ENOX1: variants seen among roughly 807,000 people sequenced by gnomAD.
The protein encoded by ENOX1 is candidate growth-related and time keeping constitutive hydroquinone (NADH) oxidase.
A neutral mutation model predicts 82.5 loss-of-function variants in ENOX1; 42 were observed. The observed-to-expected ratio is 0.51, with a 90% CI of 0.40 to 0.66. The LOEUF is 0.66. Among genes scored for constraint, ENOX1 ranks in the 30% least tolerant of loss-of-function variants. ENOX1 has a pLI of 0.00. For synonymous variants in ENOX1, 271 were observed against 282.2 expected (o/e 0.96, Z 0.40); for missense variants, 608 against 811.6 (o/e 0.75, Z 3.05).
intron 5 of ENOX1, among the ~76,000 whole-genome samples, chr13:43,364,468 G>A (rs919871195): frequency 6.6e-5 from 10 of 152,086 alleles, no homozygotes; most frequent in Admixed American, 2.0e-4. Context: ...CTGTGTTGCC[G>A]GCTCCAAGCA....
At chr13:43,734,357 C>T (rs774779361) in intron 1 of ENOX1, among the ~76,000 whole-genome samples, 15 of 152,166 alleles carry the variant, frequency 9.9e-5, no homozygotes, top group Non-Finnish European at 2.1e-4. Flanking sequence ...TCCTGATAGG[C>T]AGACTGTGTT....
intron 2 of ENOX1, among the ~76,000 whole-genome samples, chr13:43,503,196 C>T (rs1205032302): frequency 5.3e-5 from 8 of 151,354 alleles, no homozygotes; most frequent in African/African-American, 1.5e-4. Flanking sequence ...TGTAAAACAC[C>T]GATGAAAGAA....
chr13:43,410,280 GA>G (rs2153597880), intron 5 of ENOX1, among the ~76,000 whole-genome samples: 1 of 152,176 alleles, frequency 6.6e-6, no homozygotes, highest in East Asian at 1.9e-4. Context: ...AATGTGGGTG[GA>G]AAAATAGAAA....
intron 5 of ENOX1, among the ~76,000 whole-genome samples, chr13:43,404,651 T>TA (rs1231055146): frequency 6.6e-6 from 1 of 152,230 alleles, no homozygotes; most frequent in Non-Finnish European, 1.5e-5. Context: ...TCTTTAGAGA[T>TA]ACGTGTTCTC....
At chr13:43,737,637 C>T (rs1172284722) in intron 1 of ENOX1, among the ~76,000 whole-genome samples, 1 of 152,120 alleles carries the variant, frequency 6.6e-6, no homozygotes, top group Non-Finnish European at 1.5e-5. Context: ...ATTTATAAAC[C>T]ATGAGTGAAA....
intron 1 of ENOX1, among the ~76,000 whole-genome samples, chr13:43,718,324 A>G (rs969865197): frequency 5.9e-5 from 9 of 152,172 alleles, no homozygotes; most frequent in African/African-American, 2.2e-4. Flanking sequence ...GGAGCTAAAC[A>G]TTGAATACAC....
rs553504525 is a variant in ENOX1, at chr13:43,541,173, G to GTTTT, written c.-218-57025_-218-57022dup. Among the ~76,000 whole-genome samples the GTTTT allele has an allele frequency of 1.7e-4, 11 of 64,582 alleles. 1 individual carries two copies. Among genetic ancestry groups the GTTTT allele is most frequent in the Middle Eastern group, 9.6e-3 (1 of 104 alleles). 42.4% of individuals were successfully genotyped at this position (64,582 alleles called of 152,430 possible). A position where few individuals can be genotyped will look rare whatever the true frequency, so the allele number is the denominator to read the frequency against. On this transcript the variant is annotated intron_variant, in intron 2 of 16. Coordinates refer to ENST00000690772, the MANE Select transcript of ENOX1 (RefSeq NM_001347969.2). ...CTCCAACCTTACACTTCTTCCCTCT[G>GTTTT]TTTTTTTTTTTTTTTTTTTTTTTTT... is the stretch of plus-strand genomic sequence containing the variant.
chr13:43,393,499 A>G (rs1357252501), intron 5 of ENOX1, among the ~76,000 whole-genome samples: 1 of 152,212 alleles, frequency 6.6e-6, no homozygotes, highest in Non-Finnish European at 1.5e-5. Context: ...GATGAATAAA[A>G]TATAGTTCTT....
At chr13:43,305,638 G>A (rs529355440) in intron 11 of ENOX1, among the ~76,000 whole-genome samples, 1 of 152,110 alleles carries the variant, frequency 6.6e-6, no homozygotes, top group Admixed American at 6.5e-5. Flanking sequence ...GAACTAGGAG[G>A]TGCTGCTGGG....
At chr13:43,277,211 C>T (rs1376023549) in intron 12 of ENOX1, among the ~76,000 whole-genome samples, 2 of 152,190 alleles carry the variant, frequency 1.3e-5, no homozygotes, top group East Asian at 3.8e-4. Flanking sequence ...CCTTTAATCT[C>T]GTCAATATCT....
Position 43,247,854 on chromosome 13 carries a change from TATATATATATATATATATATATA to T in ENOX1, c.1612-11139_1612-11117del, listed in dbSNP as rs1566328991. 0.014 allele frequency among the ~76,000 whole-genome samples: 66 copies of T among 4,664 alleles called. 7 individuals are homozygous for T. The East Asian group carries it at 0.17, about 12-fold the overall frequency. 3.1% of individuals were successfully genotyped at this position (4,664 alleles called of 152,430 possible). On this transcript the variant is annotated intron_variant, in intron 14 of 16. Transcript: ENST00000690772. ...ATATATATATATATATATATATATATATATATATATATATATATATATATATATATTTTTTTTTTTTTTTTTTT... is the reference window on the plus strand; with the variant it reads ...ATATATATATATATATATATATATATTATATATTTTTTTTTTTTTTTTTTT...
intron 3 of ENOX1, among the ~76,000 whole-genome samples, chr13:43,471,638 A>G (rs906954587): frequency 4.0e-5 from 6 of 151,898 alleles, no homozygotes; most frequent in African/African-American, 1.5e-4. Flanking sequence ...GTGAAAGCCC[A>G]TCTCTATTAA....
intron 2 of ENOX1, among the ~76,000 whole-genome samples, chr13:43,527,200 C>A (rs2078024887): frequency 6.6e-6 from 1 of 152,032 alleles, no homozygotes; most frequent in Admixed American, 6.6e-5. Context: ...TCCCGAAGAT[C>A]CACGCATAAG....
At chr13:43,537,953 T>C (rs7139852) in intron 2 of ENOX1, among the ~76,000 whole-genome samples, 30,772 of 152,176 alleles carry the variant, frequency 0.2, 3,657 homozygotes, top group Middle Eastern at 0.29. Context: ...ACAGGGTACT[T>C]AGCCTCTGTC....
chr13:43,383,022 A>G (rs9533469), intron 5 of ENOX1, among the ~76,000 whole-genome samples: 132,104 of 152,108 alleles, frequency 0.87, 58,613 homozygotes, highest in Non-Finnish European at 0.96. Context: ...TTAAACAAAC[A>G]CAGCCAGTTA....
At chr13:43,783,136 T>A (rs1952370785) in intron 1 of ENOX1, among the ~76,000 whole-genome samples, 1 of 152,142 alleles carries the variant, frequency 6.6e-6, no homozygotes, top group African/African-American at 2.4e-5. Context: ...TCACACAGAA[T>A]AAGAGATTAT....
At chr13:43,274,686 C>T (rs2044898790) in intron 12 of ENOX1, among the ~76,000 whole-genome samples, 1 of 152,190 alleles carries the variant, frequency 6.6e-6, no homozygotes, top group Non-Finnish European at 1.5e-5. Context: ...TGCACTATTA[C>T]ATTCTTTGGT....
chr13:43,288,806 GT>G (rs745920789), intron 12 of ENOX1, among the ~76,000 whole-genome samples: 6 of 151,106 alleles, frequency 4.0e-5, no homozygotes, highest in East Asian at 1.9e-4. Flanking sequence ...TCTATCTTTA[GT>G]TTTTTTTTAC....
intron 1 of ENOX1, among the ~76,000 whole-genome samples, chr13:43,746,180 T>G (rs1950010870): frequency 6.6e-6 from 1 of 152,064 alleles, no homozygotes; most frequent in Non-Finnish European, 1.5e-5. Flanking sequence ...TATGTCAGTG[T>G]GTACACCAGA....
Sources: allele counts gnomAD v4.1 joint callset (sites outside exome capture counted in the v4.1 genomes callset), GRCh38; gene constraint gnomAD v4.1.1; transcripts MANE v1.5; gene names NCBI Gene and HGNC (gene_info 2026-07-23, HGNC 2026-07-21).